The following MXD4 variants were observed in gnomAD, a reference collection of about 807,000 sequenced individuals.
MXD4 encodes MAX dimerization protein 4.
In MXD4, 16 loss-of-function variants were observed where a neutral mutation model predicts 24.5. The ratio of observed to expected loss-of-function variants is 0.65; its 90% confidence interval spans 0.44 to 0.99. MXD4 has a LOEUF of 0.99. Among genes scored for constraint, MXD4 ranks in the 50% least tolerant of loss-of-function variants. The pLI is 0.00. For missense variants in MXD4, 301 were observed against 301.5 expected, an observed-to-expected ratio of 1.00 and a Z score of 0.01; for synonymous variants, 164 against 134.2, an observed-to-expected ratio of 1.22 and a Z score of -1.54.
chr4:2,251,367 C>T, intron 4 of MXD4, 121 bp from the exon 5 acceptor site: 1 of 1,254,144 alleles, frequency 8.0e-7, no homozygotes, highest in South Asian at 1.6e-5. Context: ...AAGACCTAGC[C>T]AAGGCTACAG....
At chr4:2,261,108 G>A (rs747794504) in intron 2 of MXD4, among the ~76,000 whole-genome samples, 5 of 152,242 alleles carry the variant, frequency 3.3e-5, no homozygotes, top group Non-Finnish European at 4.4e-5. Context: ...TTAAAAAAGA[G>A]GACCCCCATA....
rs1205350297 is a variant in MXD4 at position 2,251,142 on chromosome 4, C to T, written c.414G>A (p.Val138=). The T allele has an allele frequency of 6.2e-7, 1 of 1,600,548 alleles. No individual in the cohort carries two copies. The highest frequency in any genetic ancestry group is 8.5e-7 in the Non-Finnish European group (1 of 1,173,594). The change falls in exon 5 of 6, where the codon GTG becomes GTA. Residue 138 remains valine (V), a synonymous_variant. Transcript: ENST00000337190. ...RRLEQLSVQS[V]ERVRTDSTGS... ...CCGTGCTATCTGTGCGCACGCGCTC[C>T]ACGCTCTGCACCGACAGCTGCTCCA...
intron 3 of MXD4, chr4:2,253,357 G>A (rs1434261139): frequency 6.6e-6 from 1 of 152,208 alleles, no homozygotes; most frequent in Non-Finnish European, 1.5e-5. Context: ...CTGGGACCCT[G>A]GCCAGGCCCA....
chr4:2,251,347 C>T, intron 4 of MXD4, 101 bp from the exon 5 acceptor site: 2 of 1,367,580 alleles, frequency 1.5e-6, no homozygotes, highest in African/African-American at 1.5e-5. Flanking sequence ...GGAGGTTCCC[C>T]ATCCCTGCCA....
At chr4:2,252,559 G>T (rs751711096) in intron 3 of MXD4, 37 bp from the exon 4 acceptor site, 22 of 1,499,164 alleles carry the variant, frequency 1.5e-5, no homozygotes, top group African/African-American at 4.1e-5. Flanking sequence ...AGGCTGGGGT[G>T]GGGGAGGGCA....
In MXD4 at chr4:2,250,540, G is replaced by C. The variant is rs779760109; in HGVS notation, c.*4C>G. On this transcript the variant is annotated 3_prime_UTR_variant, in exon 6 of 6. Transcript: ENST00000337190. ...AGGCAGGCCAAGGAGCAGAGGGCAC[G>C]GGCCTACGAGAGGGCGGGGCGGCCC... The C allele has an allele frequency of 1.3e-6, 2 of 1,573,328 alleles. No homozygotes were observed. The highest frequency in any genetic ancestry group is 2.7e-5 in the African/African-American group (2 of 73,914).
intron 3 of MXD4, chr4:2,253,688 G>A (rs114918148): frequency 6.6e-6 from 1 of 152,240 alleles, no homozygotes; most frequent in African/African-American, 2.4e-5. Flanking sequence ...CCCCCTGGGA[G>A]TAACGTCGGC....
rs528064467 is a variant in MXD4, at chr4:2,257,878, G to A, written c.194+104C>T. ...AGACAAGGACACAGCCTGGCAGCAC[G>A]GCTGGCCGTGCCCGGGACAGGGGCA... On this transcript the variant is annotated intron_variant, in intron 3 of 5. Coordinates refer to ENST00000337190, the MANE Select transcript of MXD4 (RefSeq NM_006454.3). The A allele has an allele frequency of 2.5e-5, 36 of 1,463,440 alleles. 1 individual carries two copies. Among genetic ancestry groups the A allele is most frequent in the South Asian group, 2.5e-4 (21 of 85,382 alleles). 90.7% of individuals were successfully genotyped at this position (1,463,440 alleles called of 1,614,324 possible).
At position 2,250,363 on chromosome 4, in the gene MXD4, G is replaced by T; in HGVS notation, c.*181C>A. 2 of 817,024 alleles carry T rather than the reference G, an allele frequency of 2.4e-6. No individual in the cohort carries two copies. Among genetic ancestry groups the T allele is most frequent in the Non-Finnish European group, 3.7e-6 (2 of 539,300 alleles). The allele number at this position is 817,024 out of a possible 1,614,324, so 50.6% of individuals were successfully genotyped here. ...AGGGGACTCTGCCCAGCTGGAAGGGGCAGGCAGCTCGGCAGGCCCTGACCG... is the reference window on the plus strand; with the variant it reads ...AGGGGACTCTGCCCAGCTGGAAGGGTCAGGCAGCTCGGCAGGCCCTGACCG... On this transcript the variant is annotated 3_prime_UTR_variant, in exon 6 of 6. Transcript: ENST00000337190.
In MXD4 at chr4:2,258,095, G is replaced by A; in HGVS notation, c.165-84C>T. Reference sequence around the variant, plus strand: ...GAGCAGTGCTCTCCTAGGGGGCCAGGACCTGCAGACAGTGGCTGGCTGTGT... The same window carrying A: ...GAGCAGTGCTCTCCTAGGGGGCCAGAACCTGCAGACAGTGGCTGGCTGTGT... On this transcript the variant is annotated intron_variant, in intron 2 of 5. Coordinates refer to ENST00000337190, the MANE Select transcript of MXD4 (RefSeq NM_006454.3). 4 of 1,533,768 alleles carry A rather than the reference G, an allele frequency of 2.6e-6. No homozygotes were observed. The South Asian group carries it at 3.4e-5, about 13-fold the overall frequency.
At chr4:2,255,112 G>A in intron 3 of MXD4, 3 of 365,478 alleles carry the variant, frequency 8.2e-6, no homozygotes, top group Non-Finnish European at 1.6e-5. Flanking sequence ...TCAGGGATGA[G>A]AAGGTGGAGG....
In MXD4 at chr4:2,250,421, G is replaced by C; in HGVS notation, c.*123C>G. 2 of 1,269,824 alleles carry C rather than the reference G, an allele frequency of 1.6e-6. No homozygotes were observed. The highest frequency in any genetic ancestry group is 2.1e-6 in the Non-Finnish European group (2 of 949,338). 78.7% of individuals were successfully genotyped at this position (1,269,824 alleles called of 1,614,324 possible). On this transcript the variant is annotated 3_prime_UTR_variant, in exon 6 of 6. Transcript: ENST00000337190. Reference sequence around the variant, plus strand: ...GGCAGTGCCAGGCAGCCCAGCAGCAGCTGGAGCTTCCAGAATGGCACAGCA... The same window carrying C: ...GGCAGTGCCAGGCAGCCCAGCAGCACCTGGAGCTTCCAGAATGGCACAGCA...
At chr4:2,257,891 C>G in intron 3 of MXD4, 91 bp downstream of exon 3, 1 of 1,547,010 alleles carries the variant, frequency 6.5e-7, no homozygotes, top group African/African-American at 1.4e-5. Context: ...TGGCCGTGCC[C>G]GGGACAGGGG....
intron 3 of MXD4, chr4:2,253,323 C>G (rs951726217): frequency 1.9e-4 from 29 of 152,186 alleles, no homozygotes; most frequent in African/African-American, 6.8e-4. Flanking sequence ...GGGAGCCCAG[C>G]TCACCCAGAG....
intron 2 of MXD4, among the ~76,000 whole-genome samples, chr4:2,259,762 G>A (rs1735501171): frequency 6.6e-6 from 1 of 152,126 alleles, no homozygotes; most frequent in Non-Finnish European, 1.5e-5. Flanking sequence ...TCCCTCAGGA[G>A]AGGTGGGACC....
rs773516504 is a variant in MXD4, at chr4:2,251,069, C to G, written c.472+15G>C. 199 of 1,546,844 alleles carry G rather than the reference C, an allele frequency of 1.3e-4. No homozygotes were observed. Among genetic ancestry groups the G allele is most frequent in the Non-Finnish European group, 1.6e-4 (185 of 1,140,632 alleles). ...CGGAGGCCCAGGTGAGGCTGCCCCG[C>G]GCCCCACGCCCCACCTTGCTCTGAG... is the stretch of plus-strand genomic sequence containing the variant. On this transcript the variant is annotated intron_variant, in intron 5 of 5. Coordinates refer to ENST00000337190, the MANE Select transcript of MXD4 (RefSeq NM_006454.3).
In MXD4 at chr4:2,250,726, G is replaced by A. The variant is rs570717813; in HGVS notation, c.473-25C>T. On this transcript the variant is annotated intron_variant, in intron 5 of 5. Transcript: ENST00000337190. ...TCTAGGGAGAATAGAGTGGGGATGG[G>A]GTCAGGCCACTCTGAGGGTGCCAGC... The A allele has an allele frequency of 5.7e-4, 919 of 1,604,254 alleles. 10 individuals are homozygous for A. In the South Asian group the frequency reaches 9.8e-3, roughly 17 times the overall value.
chr4:2,257,841 T>A (rs1165922757), intron 3 of MXD4, 141 bp downstream of exon 3: 2 of 1,129,320 alleles, frequency 1.8e-6, no homozygotes, highest in Non-Finnish European at 2.6e-6. Flanking sequence ...CCTCCAAGTC[T>A]GACCATTCCC....
chr4:2,257,230 C>T (rs1315651329), intron 3 of MXD4, among the ~76,000 whole-genome samples: 8 of 152,200 alleles, frequency 5.3e-5, no homozygotes, highest in Admixed American at 2.6e-4. Flanking sequence ...TCAAGCAGCA[C>T]GCAGACCTGC....
Sources: allele counts gnomAD v4.1 joint callset (sites outside exome capture counted in the v4.1 genomes callset), GRCh38; gene constraint gnomAD v4.1.1; transcripts MANE v1.5; gene names NCBI Gene and HGNC (gene_info 2026-07-23, HGNC 2026-07-21).